Variants in KIDINS220 observed in about 807,000 individuals in gnomAD.
KIDINS220 encodes the protein kinase D-interacting substrate of 220 kDa.
Under a neutral mutation model 157.6 loss-of-function variants are expected in KIDINS220, and 63 were observed. That is an observed-to-expected ratio of 0.40 (90% confidence interval 0.33 to 0.49). The LOEUF (loss-of-function observed/expected upper bound fraction) is 0.49, where lower values mean the gene tolerates loss of function less well. Among genes scored for constraint, KIDINS220 ranks in the 20% least tolerant of loss-of-function variants. The probability of loss-of-function intolerance (pLI) is 0.66; values close to 1 mark genes in which losing one functional copy is unlikely to be tolerated. For missense variants in KIDINS220, 1,772 were observed against 2,171.2 expected (o/e 0.82, Z 3.65); for synonymous variants, 732 against 783.6 (o/e 0.93, Z 1.10).
chr2:8,802,930 C>T lies in KIDINS220; in HGVS notation c.801G>A (p.Arg267=), dbSNP rs752796202. The part of the protein sequence containing the change: ...DAGTYVNIPD[R]SGDTVLIGAV... ...GACAAATGTGAAATAGATGACCTAC[C>T]CTGTCAGGTATGTTCACATATGTTC... The change falls in exon 8 of 30, where the codon AGG becomes AGA. Residue 267 remains arginine, a splice_region_variant and synonymous_variant. Coordinates refer to ENST00000256707, the MANE Select transcript of KIDINS220 (RefSeq NM_020738.4). The T allele has an allele frequency of 6.2e-7, 1 of 1,612,896 alleles. No homozygotes were observed. The highest frequency in any genetic ancestry group is 1.7e-5 in the Admixed American group (1 of 59,828).
downstream of KIDINS220, among the ~76,000 whole-genome samples, chr2:8,727,854 C>A (rs985437299): frequency 2.6e-5 from 4 of 152,136 alleles, no homozygotes; most frequent in African/African-American, 4.8e-5. Flanking sequence ...GAGAGCTGAT[C>A]CCTAAATACC....
chr2:8,820,126 C>T lies in KIDINS220; in HGVS notation c.109-1333G>A, dbSNP rs561276997. Among the ~76,000 whole-genome samples the T allele has an allele frequency of 9.9e-5, 15 of 152,272 alleles. 1 individual carries two copies. The highest frequency in any genetic ancestry group is 2.4e-4 in the African/African-American group (10 of 41,558). The stretch of plus-strand genomic sequence containing the variant: ...AAGCTGACACAAACCCTGAGTGACG[C>T]GGAGCAGGGCATGCCTGGCCCTCGA... On this transcript the variant is annotated intron_variant, in intron 2 of 29. Transcript: ENST00000256707.
At chr2:8,757,643 C>G in intron 22 of KIDINS220, 6 of 1,610,756 alleles carry the variant, frequency 3.7e-6, no homozygotes, top group Non-Finnish European at 5.1e-6. Flanking sequence ...ATGTGCATCT[C>G]TGAGGGAGTC....
intron 26 of KIDINS220, among the ~76,000 whole-genome samples, chr2:8,742,059 T>C (rs910925100): frequency 6.6e-6 from 1 of 152,096 alleles, no homozygotes; most frequent in African/African-American, 2.4e-5. Flanking sequence ...CGTCTTCTCC[T>C]GAACAATGAG....
intron 12 of KIDINS220, among the ~76,000 whole-genome samples, chr2:8,792,213 T>G (rs894144379): frequency 6.6e-6 from 1 of 152,202 alleles, no homozygotes; most frequent in African/African-American, 2.4e-5. Context: ...GCCTTTCTTT[T>G]GCAATGTAAT....
chr2:8,730,604 A>T lies in KIDINS220; in HGVS notation c.*116T>A, dbSNP rs1221835478. The T allele has an allele frequency of 1.0e-5, 15 of 1,452,142 alleles. No individual in the cohort carries two copies. Among genetic ancestry groups the T allele is most frequent in the Non-Finnish European group, 1.3e-5 (14 of 1,108,916 alleles). 90.0% of individuals were successfully genotyped at this position (1,452,142 alleles called of 1,614,324 possible). A position where few individuals can be genotyped will look rare whatever the true frequency, so the allele number is the denominator to read the frequency against. The stretch of plus-strand genomic sequence containing the variant: ...ATGTCTCTTTTACCTCGGCCTCATC[A>T]TCGGTTAGTTATCTGTCAGCAAAAT... On this transcript the variant is annotated 3_prime_UTR_variant, in exon 30 of 30. Coordinates refer to ENST00000256707, the MANE Select transcript of KIDINS220 (RefSeq NM_020738.4).
rs540327561 is a variant in KIDINS220 at position 8,743,498 on chromosome 2, G to A, written c.3585+3647C>T. On this transcript the variant is annotated intron_variant, in intron 26 of 29. Transcript: ENST00000256707. The stretch of plus-strand genomic sequence containing the variant: ...CTGAGGCAGGTCTGCTTTTCCCAGT[G>A]AGAAAGCTGAGAATCAGAGGGGTAA... Among the ~76,000 whole-genome samples the A allele has an allele frequency of 2.6e-5, 4 of 152,300 alleles. No homozygotes were observed. In the South Asian group the frequency reaches 8.3e-4, roughly 32 times the overall value.
intron 22 of KIDINS220, among the ~76,000 whole-genome samples, chr2:8,755,293 T>C (rs942295888): frequency 6.6e-6 from 1 of 152,220 alleles, no homozygotes; most frequent in Non-Finnish European, 1.5e-5. Flanking sequence ...CTTATGTTCC[T>C]TCATTACAAG....
At chr2:8,790,307 C>A (rs1039673506) in intron 13 of KIDINS220, among the ~76,000 whole-genome samples, 4 of 152,156 alleles carry the variant, frequency 2.6e-5, no homozygotes, top group Non-Finnish European at 5.9e-5. Flanking sequence ...ATGTACAAAA[C>A]CCCTTCTCAT....
chr2:8,808,461 T>A (rs981652542), intron 6 of KIDINS220, among the ~76,000 whole-genome samples: 1 of 152,224 alleles, frequency 6.6e-6, no homozygotes, highest in Non-Finnish European at 1.5e-5. Context: ...CTCCTTCCCC[T>A]GCCTCAGCAC....
At chr2:8,767,745 G>A (rs750863377) in intron 22 of KIDINS220, among the ~76,000 whole-genome samples, 14 of 152,092 alleles carry the variant, frequency 9.2e-5, no homozygotes, top group Non-Finnish European at 1.8e-4. Context: ...ATCAGGAGAG[G>A]TTATCATAAA....
intron 1 of KIDINS220, among the ~76,000 whole-genome samples, chr2:8,832,758 T>C (rs1572852861): frequency 6.6e-6 from 1 of 152,238 alleles, no homozygotes; most frequent in African/African-American, 2.4e-5. Flanking sequence ...CAACGTTCAC[T>C]TCCAAAAGCC....
chr2:8,810,771 G>T (rs1676179031), intron 6 of KIDINS220, among the ~76,000 whole-genome samples: 1 of 151,686 alleles, frequency 6.6e-6, no homozygotes, highest in Non-Finnish European at 1.5e-5. Context: ...AGGTGACAGA[G>T]CGAGACTCTG....
chr2:8,774,629 T>C (rs961853202), intron 21 of KIDINS220, among the ~76,000 whole-genome samples: 6 of 152,032 alleles, frequency 3.9e-5, no homozygotes, highest in African/African-American at 9.7e-5. Flanking sequence ...GAAATAGCAA[T>C]TGCAGGAGGA....
intron 22 of KIDINS220, among the ~76,000 whole-genome samples, chr2:8,764,102 T>C (rs532451283): frequency 1.3e-5 from 2 of 152,306 alleles, no homozygotes; most frequent in East Asian, 1.9e-4. Flanking sequence ...GCAACTTGGA[T>C]GGAGCTTGAG....
chr2:8,743,692 C>G (rs1312518456), intron 26 of KIDINS220, among the ~76,000 whole-genome samples: 1 of 152,198 alleles, frequency 6.6e-6, no homozygotes, highest in East Asian at 1.9e-4. Context: ...TTCCTGTGTC[C>G]CTCAGGTAAG....
rs151028495 is a variant in KIDINS220 at position 8,738,389 on chromosome 2, C to G, written c.3586-1390G>C. Among the ~76,000 whole-genome samples the G allele has an allele frequency of 6.8e-4, 103 of 152,306 alleles. 2 individuals carry two copies. The highest frequency in any genetic ancestry group is 2.4e-3 in the African/African-American group (100 of 41,582). On this transcript the variant is annotated intron_variant, in intron 26 of 29. Transcript: ENST00000256707. Reference sequence around the variant, plus strand: ...GGATATTTGCAGAGTTTCAAAGTATCTCCTCCAAGATATTCACTAGTTATA... The same window carrying G: ...GGATATTTGCAGAGTTTCAAAGTATGTCCTCCAAGATATTCACTAGTTATA...
In KIDINS220 at chr2:8,760,051, A is replaced by C. The variant is rs2148105706; in HGVS notation, c.3012-8407T>G. Among the ~76,000 whole-genome samples the C allele has an allele frequency of 1.3e-5, 2 of 152,364 alleles. 1 individual carries two copies. The highest frequency in any genetic ancestry group is 3.9e-4 in the East Asian group (2 of 5,190). On this transcript the variant is annotated intron_variant, in intron 22 of 29. Transcript: ENST00000256707. The stretch of plus-strand genomic sequence containing the variant: ...TGCTCACTGCACCAGTTCAAACAGG[A>C]GCCACAGACATGGCTCAAAATCCCT...
Position 8,731,597 on chromosome 2 carries a change from T to A in KIDINS220, c.4439A>T (p.Asp1480Val). ...ACTGCCTGACTGATCTGATTTTTCA[T>A]CTTCTTCAGTGATAGGATCCAGGGG... is the stretch of plus-strand genomic sequence containing the variant. The part of the protein sequence containing the change: ...ASPLDPITEE[D>V]EKSDQSGSKL... Residue 1480 changes from aspartate (D) to valine (V), a missense_variant, in exon 30 of 30, where the codon GAT becomes GTT. By Grantham distance (152) the Asp-to-Val change is radical. Transcript: ENST00000256707. The surrounding 1 kb of genome is among the most constrained non-coding windows in gnomAD (Gnocchi z 5.2). 6.2e-6 allele frequency: 10 copies of A among 1,614,126 alleles called. No homozygotes were observed. Among genetic ancestry groups the A allele is most frequent in the Non-Finnish European group, 8.5e-6 (10 of 1,179,980 alleles).
Sources: allele counts gnomAD v4.1 joint callset (sites outside exome capture counted in the v4.1 genomes callset), GRCh38; gene constraint gnomAD v4.1.1; non-coding constraint Gnocchi (gnomAD v3.1); transcripts MANE v1.5; gene names NCBI Gene and HGNC (gene_info 2026-07-23, HGNC 2026-07-21).